The following AUTS2 variants were observed in gnomAD, a reference collection of about 807,000 sequenced individuals.
AUTS2 encodes activator of transcription and developmental regulator AUTS2.
A neutral mutation model predicts 112.4 loss-of-function variants in AUTS2; 17 were observed. That is an observed-to-expected ratio of 0.15 (90% CI 0.10 to 0.23). The LOEUF (loss-of-function observed/expected upper bound fraction) is 0.23. Ranked by LOEUF, AUTS2 falls within the 10% of genes least tolerant of loss-of-function variation. The pLI, the probability that AUTS2 is intolerant of heterozygous loss-of-function variation, is 1.00. For missense variants in AUTS2, 1,510 were observed against 1,701.6 expected (o/e 0.89, Z 1.98); for synonymous variants, 751 against 702.7 (o/e 1.07, Z -1.09).
chr7:70,187,392 A>G (rs959710407), intron 4 of AUTS2, among the ~76,000 whole-genome samples: 10 of 152,234 alleles, frequency 6.6e-5, no homozygotes, highest in African/African-American at 2.4e-4. Context: ...ATATATACCT[A>G]TTAATTACCT....
At chr7:70,633,981 A>T (rs1805405941) in intron 5 of AUTS2, among the ~76,000 whole-genome samples, 1 of 152,044 alleles carries the variant, frequency 6.6e-6, no homozygotes, top group Non-Finnish European at 1.5e-5. Flanking sequence ...TGGGTACTAG[A>T]TGTATATCAT....
chr7:70,587,378 G>C (rs2129527940), intron 5 of AUTS2, among the ~76,000 whole-genome samples: 1 of 152,250 alleles, frequency 6.6e-6, no homozygotes, highest in Non-Finnish European at 1.5e-5. Context: ...CACCTGCCCA[G>C]GAAGGGATTT....
intron 4 of AUTS2, among the ~76,000 whole-genome samples, chr7:70,208,959 G>A (rs186336139): frequency 2.0e-5 from 3 of 152,140 alleles, no homozygotes; most frequent in Admixed American, 6.5e-5. Context: ...TATGTTATAC[G>A]GAACTTAGTT....
At chr7:70,662,668 A>C (rs1460982772) in intron 5 of AUTS2, among the ~76,000 whole-genome samples, 2 of 152,132 alleles carry the variant, frequency 1.3e-5, no homozygotes, top group Non-Finnish European at 2.9e-5. Flanking sequence ...TCTCTAATAG[A>C]GGGTAGGCAG....
chr7:69,871,296 T>A (rs144878390), intron 1 of AUTS2, among the ~76,000 whole-genome samples: 5 of 152,204 alleles, frequency 3.3e-5, no homozygotes, highest in Admixed American at 3.3e-4. Context: ...AAGTTTTGAT[T>A]TGAAGGGAAA....
intron 18 of AUTS2, among the ~76,000 whole-genome samples, chr7:70,788,595 C>CCA (rs1791670761): frequency 6.6e-6 from 1 of 152,218 alleles, no homozygotes; most frequent in African/African-American, 2.4e-5. Context: ...CAGGATGTGG[C>CCA]CACCAGCCCT....
intron 4 of AUTS2, among the ~76,000 whole-genome samples, chr7:70,419,459 G>A (rs75118884): frequency 0.038 from 5,709 of 151,948 alleles, 384 homozygotes; most frequent in African/African-American, 0.13. Flanking sequence ...GGAGTTTGCT[G>A]TAAGGTTAAA....
At chr7:69,766,928 T>C (rs945343305) in intron 1 of AUTS2, among the ~76,000 whole-genome samples, 9 of 152,256 alleles carry the variant, frequency 5.9e-5, no homozygotes, top group African/African-American at 1.9e-4. Flanking sequence ...TCTCCCAAAC[T>C]TCTTCTCTGC....
chr7:70,036,077 T>C (rs1283431239), intron 2 of AUTS2, among the ~76,000 whole-genome samples: 1 of 152,198 alleles, frequency 6.6e-6, no homozygotes, highest in African/African-American at 2.4e-5. Context: ...GCAGTTTAAA[T>C]GACTTTTCTC....
chr7:70,349,797 A>T (rs1381466796), intron 4 of AUTS2, among the ~76,000 whole-genome samples: 1 of 152,220 alleles, frequency 6.6e-6, no homozygotes, highest in East Asian at 1.9e-4. Context: ...TGAAAGAAAC[A>T]TAATAGCAAA....
At chr7:69,709,903 C>T (rs1380758073) in intron 1 of AUTS2, among the ~76,000 whole-genome samples, 1 of 12,836 alleles carries the variant, frequency 7.8e-5, no homozygotes, top group East Asian at 3.8e-3. Flanking sequence ...AACATGTCAC[C>T]CCCCCTTTTT....
chr7:69,767,064 C>T (rs533000170), intron 1 of AUTS2, among the ~76,000 whole-genome samples: 24 of 152,226 alleles, frequency 1.6e-4, no homozygotes, highest in African/African-American at 2.2e-4. Context: ...CGCGCATGTG[C>T]GCACGTTTGT....
At chr7:70,204,342 G>A (rs1425602641) in intron 4 of AUTS2, among the ~76,000 whole-genome samples, 1 of 152,350 alleles carries the variant, frequency 6.6e-6, no homozygotes, top group East Asian at 1.9e-4. Context: ...GTACAGGGAT[G>A]TAGAAACATG....
chr7:70,583,527 A>G (rs1195053351), intron 5 of AUTS2, among the ~76,000 whole-genome samples: 2 of 152,322 alleles, frequency 1.3e-5, no homozygotes, highest in African/African-American at 4.8e-5. Flanking sequence ...AGGCAGAGGT[A>G]GTGATTCATG....
chr7:70,021,905 A>T (rs1800293793), intron 2 of AUTS2, among the ~76,000 whole-genome samples: 1 of 152,150 alleles, frequency 6.6e-6, no homozygotes, highest in Admixed American at 6.5e-5. Context: ...AAATGTGTGT[A>T]AGTGACAAAT....
At chr7:69,712,602 AGTTT>A (rs960173032) in intron 1 of AUTS2, among the ~76,000 whole-genome samples, 15 of 152,152 alleles carry the variant, frequency 9.9e-5, no homozygotes, top group African/African-American at 2.9e-4. Context: ...GATACACCAA[AGTTT>A]GTTTATCTAT....
At chr7:70,543,510 C>T (rs1328149426) in intron 5 of AUTS2, among the ~76,000 whole-genome samples, 3 of 145,006 alleles carry the variant, frequency 2.1e-5, no homozygotes, top group African/African-American at 5.2e-5. Context: ...GCCTAGGCGA[C>T]AGAGTGAGAC....
At chr7:70,318,368 A>G (rs1219350633) in intron 4 of AUTS2, among the ~76,000 whole-genome samples, 1 of 152,100 alleles carries the variant, frequency 6.6e-6, no homozygotes, top group Non-Finnish European at 1.5e-5. Flanking sequence ...AAGTCCAGGG[A>G]GAGTTAACAG....
intron 4 of AUTS2, among the ~76,000 whole-genome samples, chr7:70,241,796 A>T (rs1046786524): frequency 6.6e-6 from 1 of 152,180 alleles, no homozygotes; most frequent in Non-Finnish European, 1.5e-5. Flanking sequence ...TTTACAGGCA[A>T]TGTTGCTCTC....
Sources: allele counts gnomAD v4.1 joint callset (sites outside exome capture counted in the v4.1 genomes callset), GRCh38; gene constraint gnomAD v4.1.1; transcripts MANE v1.5; gene names NCBI Gene and HGNC (gene_info 2026-07-23, HGNC 2026-07-21).